The following MAP2K6 variants were observed in gnomAD, a reference collection of about 807,000 sequenced individuals.
MAP2K6 encodes the protein mitogen-activated protein kinase kinase 6, also known as dual specificity mitogen-activated protein kinase kinase 6.
MAP2K6 carries 16 observed loss-of-function variants against 53.7 expected under a neutral mutation model. The observed-to-expected ratio is 0.30, with a 90% CI of 0.20 to 0.45. MAP2K6 has a LOEUF of 0.45. MAP2K6 is among the 20% of genes least tolerant of loss of function. The probability of loss-of-function intolerance (pLI) is 1.00; values close to 1 mark genes in which losing one functional copy is unlikely to be tolerated. For missense variants in MAP2K6, 204 were observed against 411.9 expected (o/e 0.50, Z 4.37); for synonymous variants, 132 against 143.1 (o/e 0.92, Z 0.55).
At position 69,544,574 on chromosome 17, in the gene MAP2K6, A is replaced by G. The variant is rs1911804245; in HGVS notation, c.*2821A>G. 6.6e-6 allele frequency: 1 copy of G among 152,258 alleles called. No homozygotes were observed. Among genetic ancestry groups the G allele is most frequent in the African/African-American group, 2.4e-5 (1 of 41,470 alleles). 9.4% of individuals were successfully genotyped at this position (152,258 alleles called of 1,614,324 possible). ...CAGCCCTGTCTACACCTATCAATGT[A>G]TTACAAAATCAGTATAGCTCTACAA... On this transcript the variant is annotated 3_prime_UTR_variant, in exon 12 of 12. Transcript: ENST00000590474.
In MAP2K6 at chr17:69,542,318, T is replaced by A. The variant is rs1911680310; in HGVS notation, c.*565T>A. Reference sequence around the variant, plus strand: ...TGCATCTTTGAGAATATTATAAAAATATCAAAAAGGAGCTCTTCTTGTGAA... The same window carrying A: ...TGCATCTTTGAGAATATTATAAAAAAATCAAAAAGGAGCTCTTCTTGTGAA... On this transcript the variant is annotated 3_prime_UTR_variant, in exon 12 of 12. Coordinates refer to ENST00000590474, the MANE Select transcript of MAP2K6 (RefSeq NM_002758.4). The A allele has an allele frequency of 6.5e-6, 1 of 152,720 alleles. No individual in the cohort carries two copies. Among genetic ancestry groups the A allele is most frequent in the Admixed American group, 6.5e-5 (1 of 15,294 alleles). The allele number at this position is 152,720 out of a possible 1,614,324, so 9.5% of individuals were successfully genotyped here.
At chr17:69,453,015 A>G (rs922477663) in intron 1 of MAP2K6, among the ~76,000 whole-genome samples, 8 of 152,234 alleles carry the variant, frequency 5.3e-5, no homozygotes, top group Admixed American at 1.3e-4. Context: ...TGTCCCTGTC[A>G]TAGCTAAGAA....
At chr17:69,480,791 A>G (rs923445226) in intron 1 of MAP2K6, among the ~76,000 whole-genome samples, 1 of 152,202 alleles carries the variant, frequency 6.6e-6, no homozygotes, top group African/African-American at 2.4e-5. Flanking sequence ...GTTTTTTAAA[A>G]AATTTTATTT....
intron 1 of MAP2K6, among the ~76,000 whole-genome samples, chr17:69,446,489 T>C (rs1033894158): frequency 4.6e-5 from 7 of 152,264 alleles, no homozygotes; most frequent in African/African-American, 1.7e-4. Context: ...CCAATGTTGA[T>C]AGATATTTAC....
chr17:69,539,661 C>T (rs1022007631), intron 11 of MAP2K6, among the ~76,000 whole-genome samples: 5 of 152,072 alleles, frequency 3.3e-5, no homozygotes, highest in African/African-American at 1.2e-4. Flanking sequence ...CATTTGCAGA[C>T]TCAGGCAACA....
intron 10 of MAP2K6, among the ~76,000 whole-genome samples, chr17:69,532,311 A>C (rs573845631): frequency 5.9e-5 from 9 of 152,208 alleles, no homozygotes; most frequent in Non-Finnish European, 1.3e-4. Context: ...CCCTTCTTGG[A>C]AATGATCGGG....
chr17:69,525,075 G>T, intron 9 of MAP2K6, 97 bp downstream of exon 9: 7 of 975,110 alleles, frequency 7.2e-6, no homozygotes, highest in Non-Finnish European at 1.1e-5. Flanking sequence ...CTAAATGCTG[G>T]TTTGGGGCGC....
rs566654735 is a variant in MAP2K6, at chr17:69,494,027, A to G, written c.17-11753A>G. 2.6e-5 allele frequency among the ~76,000 whole-genome samples: 4 copies of G among 152,350 alleles called. No homozygotes were observed. The South Asian group carries it at 8.3e-4, about 32-fold the overall frequency. On this transcript the variant is annotated intron_variant, in intron 1 of 11. Coordinates refer to ENST00000590474, the MANE Select transcript of MAP2K6 (RefSeq NM_002758.4). The surrounding 1 kb of genome is among the most constrained non-coding windows in gnomAD (Gnocchi z 4.2). ...GCCACCTGCAAAGTAGTCTTGCCAAACAATCTGATCAAGTTGAATCTGATC... is the reference window on the plus strand; with the variant it reads ...GCCACCTGCAAAGTAGTCTTGCCAAGCAATCTGATCAAGTTGAATCTGATC...
intron 1 of MAP2K6, among the ~76,000 whole-genome samples, chr17:69,495,110 A>AC (rs1051487366): frequency 6.6e-6 from 1 of 151,852 alleles, no homozygotes; most frequent in African/African-American, 2.4e-5. Context: ...AAAAAAAAAA[A>AC]AAAAACAACA....
chr17:69,527,780 A>T (rs1910851567), intron 10 of MAP2K6, among the ~76,000 whole-genome samples: 1 of 152,142 alleles, frequency 6.6e-6, no homozygotes, highest in Non-Finnish European at 1.5e-5. Flanking sequence ...GAGGAAGCTG[A>T]AGGAACATCT....
chr17:69,490,890 C>T (rs1321995617), intron 1 of MAP2K6, among the ~76,000 whole-genome samples: 2 of 151,986 alleles, frequency 1.3e-5, no homozygotes, highest in African/African-American at 4.8e-5. Flanking sequence ...CTCTGATAGG[C>T]CCCAGTGTGT....
rs549888145 is a variant in MAP2K6, at chr17:69,424,044, G to A, written c.16+9044G>A. Among the ~76,000 whole-genome samples the A allele has an allele frequency of 3.9e-5, 6 of 152,220 alleles. No individual in the cohort carries two copies. In the South Asian group the frequency reaches 1.0e-3, roughly 26 times the overall value. ...GTTCCATCATTTCTTTTGTGTCAAC[G>A]TGAAAGCCTCCCTGCATGGGACCAG... is the stretch of plus-strand genomic sequence containing the variant. On this transcript the variant is annotated intron_variant, in intron 1 of 11. Coordinates refer to ENST00000590474, the MANE Select transcript of MAP2K6 (RefSeq NM_002758.4).
At chr17:69,451,362 T>C (rs1400069759) in intron 1 of MAP2K6, among the ~76,000 whole-genome samples, 1 of 152,222 alleles carries the variant, frequency 6.6e-6, no homozygotes, top group African/African-American at 2.4e-5. Flanking sequence ...ACCAAAGAGC[T>C]GCTTTCGCAG....
chr17:69,508,651 T>C (rs1054927155), intron 2 of MAP2K6, among the ~76,000 whole-genome samples: 30 of 152,244 alleles, frequency 2.0e-4, no homozygotes, highest in African/African-American at 4.6e-4. Flanking sequence ...TTGTTCAACT[T>C]ATCAATTATT....
chr17:69,487,394 T>C (rs994149746), intron 1 of MAP2K6, among the ~76,000 whole-genome samples: 4 of 152,224 alleles, frequency 2.6e-5, no homozygotes, highest in African/African-American at 4.8e-5. Flanking sequence ...CTGAGAACTG[T>C]GCCTTGCATG....
chr17:69,510,627 C>A (rs1361883938), intron 2 of MAP2K6, among the ~76,000 whole-genome samples: 3 of 151,742 alleles, frequency 2.0e-5, no homozygotes, highest in Non-Finnish European at 2.9e-5. Flanking sequence ...ATCTCAATTT[C>A]TTTAGTAGTT....
chr17:69,449,143 C>T (rs569554293), intron 1 of MAP2K6, among the ~76,000 whole-genome samples: 7 of 152,336 alleles, frequency 4.6e-5, no homozygotes, highest in Admixed American at 3.3e-4. Flanking sequence ...TGCTCTTCCA[C>T]TTACTAGCTG....
At chr17:69,427,369 A>G (rs1451334694) in intron 1 of MAP2K6, among the ~76,000 whole-genome samples, 1 of 152,188 alleles carries the variant, frequency 6.6e-6, no homozygotes, top group Non-Finnish European at 1.5e-5. Flanking sequence ...TTTATTTTCT[A>G]TTTTTAATTT....
At chr17:69,530,296 C>T (rs1246248604) in intron 10 of MAP2K6, among the ~76,000 whole-genome samples, 1 of 151,812 alleles carries the variant, frequency 6.6e-6, no homozygotes, top group East Asian at 1.9e-4. Context: ...GCCTGGGTGA[C>T]AGAGCAAGAT....
Sources: gnomAD v4.1 joint callset for allele counts (sites outside exome capture counted in the v4.1 genomes callset) on GRCh38, gnomAD v4.1.1 for gene constraint, Gnocchi (gnomAD v3.1) non-coding constraint, MANE v1.5 for transcripts, NCBI Gene and HGNC (gene_info 2026-07-23, HGNC 2026-07-21) for gene names.